The following GLP1R variants were observed in gnomAD, a reference collection of about 807,000 sequenced individuals.
GLP1R encodes glucagon-like peptide 1 receptor.
In GLP1R, 32 loss-of-function variants were observed where a neutral mutation model predicts 68.4. That is an observed-to-expected ratio of 0.47 (90% CI 0.35 to 0.63). The LOEUF is 0.63. Among genes scored for constraint, GLP1R ranks in the 20% least tolerant of loss-of-function variants. GLP1R has a pLI of 0.00. For missense variants in GLP1R, 502 were observed against 594.9 expected (o/e 0.84, Z 1.62); for synonymous variants, 263 against 244.4 (o/e 1.08, Z -0.71).
At chr6:39,066,887 C>G (rs1768534896) in intron 5 of GLP1R, among the ~76,000 whole-genome samples, 1 of 152,110 alleles carries the variant, frequency 6.6e-6, no homozygotes, top group African/African-American at 2.4e-5. Flanking sequence ...CTCAGGACAC[C>G]AGGCAGCAAG....
intron 5 of GLP1R, among the ~76,000 whole-genome samples, chr6:39,069,460 C>T (rs865845473): frequency 5.2e-4 from 79 of 152,036 alleles, no homozygotes; most frequent in Non-Finnish European, 7.4e-4. Flanking sequence ...GGTGAAACCC[C>T]GTCTCTACTA....
chr6:39,086,009 T>G lies in GLP1R; in HGVS notation c.1328T>G (p.Leu443Arg). 1 of 1,614,042 alleles carries G rather than the reference T, an allele frequency of 6.2e-7. No individual in the cohort carries two copies. The highest frequency in any genetic ancestry group is 8.5e-7 in the Non-Finnish European group (1 of 1,179,954). Residue 443 changes from leucine (L) to arginine (R), a missense_variant, in exon 13 of 13, where the codon CTG becomes CGG. Transcript: ENST00000373256. This position sits in a 1 kb window ranked among gnomAD's most constrained non-coding sequence, Gnocchi z 4.5. ...MKPLKCPTSSLSSGATAGSSM... is the reference protein window; with the variant it reads ...MKPLKCPTSSRSSGATAGSSM... ...CCCCTCAAGTGTCCCACCAGCAGCC[T>G]GAGCAGTGGAGCCACGGCGGGCAGC...
rs1156361991 is a variant in GLP1R, at chr6:39,079,690, C to T, written c.1170C>T (p.Phe390=). The T allele has an allele frequency of 2.5e-6, 4 of 1,612,770 alleles. No homozygotes were observed. The highest frequency in any genetic ancestry group is 3.4e-6 in the Non-Finnish European group (4 of 1,179,296). The part of the protein sequence containing the change: ...RFIKLFTELS[F]TSFQGLMVAI... ...TCAAGCTGTTTACAGAGCTCTCCTT[C>T]ACCTCCTTCCAGGTGACTTCATGCT... Residue 390 remains phenylalanine, a synonymous_variant, in exon 11 of 13, where the codon TTC becomes TTT. Transcript: ENST00000373256. This position sits in a 1 kb window ranked among gnomAD's most constrained non-coding sequence, Gnocchi z 4.5.
At chr6:39,063,926 AACACACACACACACAC>A (rs530782175) in intron 3 of GLP1R, among the ~76,000 whole-genome samples, 9 of 130,240 alleles carry the variant, frequency 6.9e-5, no homozygotes, top group African/African-American at 2.7e-4. Flanking sequence ...ACAGACACAT[AACACACACACACACAC>A]ACACACACAC....
intron 11 of GLP1R, 104 bp from the exon 12 acceptor site, chr6:39,080,594 G>A: frequency 1.3e-5 from 9 of 677,310 alleles, no homozygotes; most frequent in African/African-American, 3.7e-5. Context: ...TGGATTTGGG[G>A]AGGGGGTTGT....
At chr6:39,054,070 C>G (rs2150819805) in intron 1 of GLP1R, among the ~76,000 whole-genome samples, 1 of 152,130 alleles carries the variant, frequency 6.6e-6, no homozygotes, top group Admixed American at 6.5e-5. Flanking sequence ...ACCTCACAGT[C>G]CCCAATCCCT....
chr6:39,080,511 G>A (rs909334411), intron 11 of GLP1R, among the ~76,000 whole-genome samples, 187 bp from the exon 12 acceptor site: 4 of 152,190 alleles, frequency 2.6e-5, no homozygotes, highest in Non-Finnish European at 5.9e-5. Context: ...TCGCAGAGGT[G>A]CAACCCTGGT....
chr6:39,077,536 A>G (rs1768862672), intron 7 of GLP1R, among the ~76,000 whole-genome samples: 1 of 152,144 alleles, frequency 6.6e-6, no homozygotes, highest in Non-Finnish European at 1.5e-5. Flanking sequence ...AGAATGCAAA[A>G]CAAGCCACAG....
At position 39,079,925 on chromosome 6, in the gene GLP1R, G is replaced by A. The variant is rs1768949418; in HGVS notation, c.1182+223G>A. On this transcript the variant is annotated intron_variant, in intron 11 of 12. Transcript: ENST00000373256. The surrounding 1 kb of genome is among the most constrained non-coding windows in gnomAD (Gnocchi z 4.5). Reference sequence around the variant, plus strand: ...AGCACATGGGACAAGAAGCCTTCCTGGATGTAGCTCTGGGTACCAGCCTGG... The same window carrying A: ...AGCACATGGGACAAGAAGCCTTCCTAGATGTAGCTCTGGGTACCAGCCTGG... Among the ~76,000 whole-genome samples the A allele has an allele frequency of 1.3e-5, 2 of 152,140 alleles. No individual in the cohort carries two copies. The highest frequency in any genetic ancestry group is 4.1e-4 in the South Asian group (2 of 4,832).
Position 39,048,846 on chromosome 6 carries a change from C to T in GLP1R, c.6C>T (p.Ala2=). The change falls in exon 1 of 13, where the codon GCC becomes GCT. Residue 2 remains alanine (A), a synonymous_variant. Transcript: ENST00000373256. M[A]GAPGPLRLAL... ...CCAGTCCTGAACTCCCCGCCATGGC[C>T]GGCGCCCCCGGCCCGCTGCGCCTTG... The T allele has an allele frequency of 1.4e-6, 2 of 1,474,558 alleles. No individual in the cohort carries two copies. Among genetic ancestry groups the T allele is most frequent in the Admixed American group, 2.0e-5 (1 of 50,014 alleles). 91.3% of individuals were successfully genotyped at this position (1,474,558 alleles called of 1,614,324 possible).
At chr6:39,057,419 G>C (rs1195690393) in intron 2 of GLP1R, 53 bp from the exon 3 acceptor site, 4 of 1,167,198 alleles carry the variant, frequency 3.4e-6, no homozygotes, top group Non-Finnish European at 5.1e-6. Context: ...GGGAGGGAAA[G>C]GGCCATGGCC....
At chr6:39,069,628 ACT>A (rs1469999840) in intron 5 of GLP1R, among the ~76,000 whole-genome samples, 1 of 144,700 alleles carries the variant, frequency 6.9e-6, no homozygotes. Flanking sequence ...ACAGAGTGAG[ACT>A]CTGTCTCAAA....
intron 12 of GLP1R, among the ~76,000 whole-genome samples, chr6:39,084,493 C>T (rs1031233293): frequency 6.6e-6 from 1 of 152,182 alleles, no homozygotes; most frequent in Admixed American, 6.5e-5. Context: ...TTCCCCCCCT[C>T]TCCAGCGGAA....
At chr6:39,076,106 A>G (rs1768818449) in intron 7 of GLP1R, among the ~76,000 whole-genome samples, 1 of 152,196 alleles carries the variant, frequency 6.6e-6, no homozygotes, top group African/African-American at 2.4e-5. Context: ...TCTGGCTGAT[A>G]ACATGGGTGA....
intron 3 of GLP1R, among the ~76,000 whole-genome samples, chr6:39,060,442 A>G (rs1442979705): frequency 6.6e-6 from 1 of 152,210 alleles, no homozygotes; most frequent in East Asian, 1.9e-4. Context: ...AGCACCAGGG[A>G]CTACAACAAT....
At chr6:39,053,261 T>G (rs1056497015) in intron 1 of GLP1R, among the ~76,000 whole-genome samples, 2 of 152,174 alleles carry the variant, frequency 1.3e-5, no homozygotes, top group Admixed American at 1.3e-4. Flanking sequence ...CAGGGACTTA[T>G]GTTGTGGGAG....
intron 5 of GLP1R, among the ~76,000 whole-genome samples, chr6:39,068,115 A>G (rs1768563444): frequency 1.3e-5 from 2 of 152,258 alleles, no homozygotes; most frequent in African/African-American, 4.8e-5. Context: ...AAAATAAAGA[A>G]TTAAAATTCA....
In GLP1R at chr6:39,086,693, G is replaced by A. The variant is rs201927193; in HGVS notation, c.*620G>A. ...TTTGTTTGGGCCACTGCCAGCAGCT[G>A]TTTCTGGAAATGGCTGTAGGTGGTG... On this transcript the variant is annotated 3_prime_UTR_variant, in exon 13 of 13. Coordinates refer to ENST00000373256, the MANE Select transcript of GLP1R (RefSeq NM_002062.5). The surrounding 1 kb of genome is among the most constrained non-coding windows in gnomAD (Gnocchi z 4.5). 1 of 152,814 alleles carries A rather than the reference G, an allele frequency of 6.5e-6. No individual in the cohort carries two copies. The highest frequency in any genetic ancestry group is 2.4e-5 in the African/African-American group (1 of 41,560). 9.5% of individuals were successfully genotyped at this position (152,814 alleles called of 1,614,324 possible). A position where few individuals can be genotyped will look rare whatever the true frequency, so the allele number is the denominator to read the frequency against.
intron 12 of GLP1R, among the ~76,000 whole-genome samples, chr6:39,083,958 T>A (rs928861922): frequency 6.6e-6 from 1 of 152,192 alleles, no homozygotes. Flanking sequence ...AAAACACATG[T>A]ACTGAGCACC....
Sources: allele counts gnomAD v4.1 joint callset (sites outside exome capture counted in the v4.1 genomes callset), GRCh38; gene constraint gnomAD v4.1.1; non-coding constraint Gnocchi (gnomAD v3.1); transcripts MANE v1.5; gene names NCBI Gene and HGNC (gene_info 2026-07-23, HGNC 2026-07-21).